EML5: variants seen among roughly 807,000 people sequenced by gnomAD.
EML5 encodes EMAP like 5.
Under a neutral mutation model 250.0 loss-of-function variants are expected in EML5, and 120 were observed. The ratio of observed to expected loss-of-function variants is 0.48; its 90% CI spans 0.41 to 0.56. EML5 has a LOEUF of 0.56. EML5 is among the 20% of genes least tolerant of loss of function. The probability of loss-of-function intolerance (pLI) is 0.00; values close to 1 mark genes in which losing one functional copy is unlikely to be tolerated. For synonymous variants in EML5, 771 were observed against 806.5 expected, an observed-to-expected ratio of 0.96 and a Z score of 0.75; for missense variants, 2,006 against 2,437.6, an observed-to-expected ratio of 0.82 and a Z score of 3.73.
At chr14:88,703,123 T>C (rs1326509298) in intron 13 of EML5, among the ~76,000 whole-genome samples, 2 of 152,104 alleles carry the variant, frequency 1.3e-5, no homozygotes, top group East Asian at 3.9e-4. Context: ...TAGCTAAATC[T>C]AAGCTATAAT....
chr14:88,726,753 T>C (rs2140087577), intron 7 of EML5, 75 bp from the exon 8 acceptor site: 1 of 1,092,852 alleles, frequency 9.2e-7, no homozygotes, highest in Non-Finnish European at 1.2e-6. Flanking sequence ...GTTAAAATAA[T>C]CTCATCTTAA....
intron 21 of EML5, among the ~76,000 whole-genome samples, chr14:88,676,833 T>A (rs1349931044): frequency 6.6e-6 from 1 of 152,180 alleles, no homozygotes; most frequent in African/African-American, 2.4e-5. Context: ...TAAGACCACA[T>A]ATCTATGTCC....
intron 14 of EML5, among the ~76,000 whole-genome samples, chr14:88,697,763 T>C (rs1017016426): frequency 2.0e-5 from 3 of 152,192 alleles, no homozygotes; most frequent in African/African-American, 7.2e-5. Context: ...GAGATGGAGT[T>C]TCACTCTTGT....
chr14:88,669,072 A>G (rs765395799), intron 21 of EML5, among the ~76,000 whole-genome samples: 5 of 152,220 alleles, frequency 3.3e-5, no homozygotes, highest in Non-Finnish European at 7.3e-5. Context: ...GGAGCTGCAC[A>G]GGACAAGGGG....
At chr14:88,729,869 TG>T (rs1302983514) in intron 7 of EML5, among the ~76,000 whole-genome samples, 1 of 117,060 alleles carries the variant, frequency 8.5e-6, no homozygotes, top group African/African-American at 3.2e-5. Context: ...TCTTGTTTTT[TG>T]TTTTTTTTTT....
chr14:88,677,437 C>CA (rs1212674659), intron 21 of EML5, among the ~76,000 whole-genome samples: 2 of 152,114 alleles, frequency 1.3e-5, no homozygotes. Flanking sequence ...TGCAAAAAGG[C>CA]AAAAATTGGC....
intron 7 of EML5, among the ~76,000 whole-genome samples, chr14:88,728,722 C>G (rs2093706159): frequency 6.6e-6 from 1 of 151,924 alleles, no homozygotes; most frequent in Non-Finnish European, 1.5e-5. Flanking sequence ...CTGTGTTGTT[C>G]AAGGAATAAC....
At chr14:88,662,197 T>G (rs902532490) in intron 24 of EML5, among the ~76,000 whole-genome samples, 5 of 151,986 alleles carry the variant, frequency 3.3e-5, no homozygotes, top group African/African-American at 9.6e-5. Flanking sequence ...TTACTAGAAA[T>G]TTAGAACTTT....
chr14:88,784,021 G>A (rs149529610), intron 1 of EML5, among the ~76,000 whole-genome samples: 2,351 of 152,076 alleles, frequency 0.015, 70 homozygotes, highest in South Asian at 0.13. Context: ...ACAAATACGT[G>A]GAAATTAAAC....
At chr14:88,666,414 T>C (rs1181646807) in intron 21 of EML5, among the ~76,000 whole-genome samples, 1 of 151,888 alleles carries the variant, frequency 6.6e-6, no homozygotes, top group African/African-American at 2.4e-5. Context: ...TTAGTAGAGA[T>C]GGGGTTTCAC....
chr14:88,657,985 G>A (rs754364830), intron 26 of EML5, among the ~76,000 whole-genome samples: 1 of 152,012 alleles, frequency 6.6e-6, no homozygotes, highest in Non-Finnish European at 1.5e-5. Flanking sequence ...TTTTTCATTT[G>A]TAGATAAATA....
rs28610062 is a variant in EML5, at chr14:88,618,907, C to T, written c.5376-95G>A. On this transcript the variant is annotated intron_variant, in intron 39 of 43. Coordinates refer to ENST00000554922, the MANE Select transcript of EML5 (RefSeq NM_183387.3). ...TTTCCTTTCTAGTTCTTAAAAGTAACGTGTGATAAGGCCTCAAATAGATTT... is the reference window on the plus strand; with the variant it reads ...TTTCCTTTCTAGTTCTTAAAAGTAATGTGTGATAAGGCCTCAAATAGATTT... The T allele has an allele frequency of 3.1e-3, 4,147 of 1,319,140 alleles. 110 individuals are homozygous for T. The African/African-American group carries it at 0.056, about 18-fold the overall frequency. The allele number at this position is 1,319,140 out of a possible 1,614,324, so 81.7% of individuals were successfully genotyped here.
At position 88,638,950 on chromosome 14, in the gene EML5, T is replaced by C. The variant is rs1321797747; in HGVS notation, c.4238-43A>G. The C allele has an allele frequency of 2.1e-6, 3 of 1,435,898 alleles. No homozygotes were observed. The East Asian group carries it at 7.4e-5, about 35-fold the overall frequency. 88.9% of individuals were successfully genotyped at this position (1,435,898 alleles called of 1,614,324 possible). On this transcript the variant is annotated intron_variant, in intron 31 of 43. Coordinates refer to ENST00000554922, the MANE Select transcript of EML5 (RefSeq NM_183387.3). Reference sequence around the variant, plus strand: ...AGAATTAAGTTTGAAAATTTTAAGATGTAACAGCCAAAAGCACTTACCCAG... The same window carrying C: ...AGAATTAAGTTTGAAAATTTTAAGACGTAACAGCCAAAAGCACTTACCCAG...
At chr14:88,622,819 A>G (rs1169455180) in intron 36 of EML5, 101 bp from the exon 37 acceptor site, 1 of 670,446 alleles carries the variant, frequency 1.5e-6, no homozygotes, top group Non-Finnish European at 2.3e-6. Flanking sequence ...TTTTTTTAAA[A>G]AGGCCCTGAT....
chr14:88,626,886 T>G lies in EML5; in HGVS notation c.4692A>C (p.Thr1564=). The part of the protein sequence containing the change: ...ALLSKKGLLS[T]LEDARMQTML... ...TGGTCTGCATCCGGGCATCTTCCAGTGTGCTCAGTAGCCCTTTTTTGCTAA... is the reference window on the plus strand; with the variant it reads ...TGGTCTGCATCCGGGCATCTTCCAGGGTGCTCAGTAGCCCTTTTTTGCTAA... The change falls in exon 35 of 44, where the codon ACA becomes ACC. Residue 1564 remains threonine (T), a synonymous_variant. Coordinates refer to ENST00000554922, the MANE Select transcript of EML5 (RefSeq NM_183387.3). 1 of 1,613,990 alleles carries G rather than the reference T, an allele frequency of 6.2e-7. No individual in the cohort carries two copies. The highest frequency in any genetic ancestry group is 1.1e-5 in the South Asian group (1 of 91,084).
In EML5 at chr14:88,612,811, CT is replaced by C. The variant is rs1861402288; in HGVS notation, c.*3006del. The C allele has an allele frequency of 6.6e-6, 1 of 152,462 alleles. No individual in the cohort carries two copies. Among genetic ancestry groups the C allele is most frequent in the Non-Finnish European group, 1.5e-5 (1 of 68,014 alleles). 9.4% of individuals were successfully genotyped at this position (152,462 alleles called of 1,614,324 possible). A position where few individuals can be genotyped will look rare whatever the true frequency, so the allele number is the denominator to read the frequency against. On this transcript the variant is annotated 3_prime_UTR_variant, in exon 44 of 44. Transcript: ENST00000554922. The stretch of plus-strand genomic sequence containing the variant: ...GTTTTTTTGTGTGTGGTTTTTAAAA[CT>C]GTTAAGGCAAGAAGTGTCAAATGCT...
intron 1 of EML5, among the ~76,000 whole-genome samples, chr14:88,758,521 A>C (rs1449784715): frequency 6.6e-6 from 1 of 152,168 alleles, no homozygotes; most frequent in Non-Finnish European, 1.5e-5. Context: ...AAGACAGAAA[A>C]TATGAAGTAT....
chr14:88,779,269 A>G (rs952614584), intron 1 of EML5, among the ~76,000 whole-genome samples: 1 of 152,216 alleles, frequency 6.6e-6, no homozygotes, highest in South Asian at 2.1e-4. Flanking sequence ...CTGAAGCCAT[A>G]AAGAAAAAGC....
intron 1 of EML5, among the ~76,000 whole-genome samples, chr14:88,766,245 C>A (rs1384552182): frequency 6.6e-6 from 1 of 152,158 alleles, no homozygotes; most frequent in Non-Finnish European, 1.5e-5. Flanking sequence ...GTTCAGGGAA[C>A]AAGGGAGATA....
Sources: allele counts gnomAD v4.1 joint callset (sites outside exome capture counted in the v4.1 genomes callset), GRCh38; gene constraint gnomAD v4.1.1; transcripts MANE v1.5; gene names NCBI Gene and HGNC (gene_info 2026-07-23, HGNC 2026-07-21).